ZNF385D: variants seen among roughly 807,000 people sequenced by gnomAD.
ZNF385D encodes the protein zinc finger protein 659.
In ZNF385D, 15 loss-of-function variants were observed where a neutral mutation model predicts 35.8. That is an observed-to-expected ratio of 0.42 (90% CI 0.28 to 0.64). The LOEUF (loss-of-function observed/expected upper bound fraction) is 0.64. Among genes scored for constraint, ZNF385D ranks in the 30% least tolerant of loss-of-function variants. The pLI is 0.23. For synonymous variants in ZNF385D, 212 were observed against 186.8 expected, an observed-to-expected ratio of 1.13 and a Z score of -1.10; for missense variants, 474 against 494.6, an observed-to-expected ratio of 0.96 and a Z score of 0.39.
intron 2 of ZNF385D, among the ~76,000 whole-genome samples, chr3:21,630,359 C>G (rs2065246559): frequency 6.6e-6 from 1 of 151,988 alleles, no homozygotes; most frequent in Non-Finnish European, 1.5e-5. Flanking sequence ...GCATGTGCCA[C>G]CACACCCAGC....
intron 1 of ZNF385D, among the ~76,000 whole-genome samples, chr3:21,740,949 A>G (rs894999845): frequency 9.2e-5 from 14 of 152,286 alleles, no homozygotes; most frequent in Admixed American, 3.9e-4. Context: ...TATCATTTCA[A>G]AGTTCCCCAG....
At chr3:22,099,692 C>G (rs988593998) in intron 3 of ZNF385D, among the ~76,000 whole-genome samples, 1 of 151,918 alleles carries the variant, frequency 6.6e-6, no homozygotes, top group Non-Finnish European at 1.5e-5. Context: ...GCAGCAGACC[C>G]TGAAGCATGG....
chr3:21,602,586 G>GCGGACTC (rs1230689406), intron 2 of ZNF385D, among the ~76,000 whole-genome samples: 2 of 133,080 alleles, frequency 1.5e-5, no homozygotes, highest in African/African-American at 6.0e-5. Context: ...ACTGCGGACT[G>GCGGACTC]CAGTGGCGCA....
intron 3 of ZNF385D, among the ~76,000 whole-genome samples, chr3:22,107,164 C>T (rs1295594229): frequency 6.6e-6 from 1 of 151,708 alleles, no homozygotes; most frequent in Non-Finnish European, 1.5e-5. Flanking sequence ...GCTGGGATTA[C>T]AGGCATGTGC....
chr3:22,121,723 A>T (rs1219792577), intron 3 of ZNF385D, among the ~76,000 whole-genome samples: 1 of 151,628 alleles, frequency 6.6e-6, no homozygotes, highest in Non-Finnish European at 1.5e-5. Context: ...GGGTAAACAC[A>T]ATCCCCTGTA....
intron 3 of ZNF385D, among the ~76,000 whole-genome samples, chr3:21,551,962 A>C (rs1023522629): frequency 6.6e-6 from 1 of 152,216 alleles, no homozygotes; most frequent in African/African-American, 2.4e-5. Context: ...TTTTCATGAT[A>C]CAAAGATGAA....
chr3:22,201,454 A>C (rs1696793214), intron 2 of ZNF385D, among the ~76,000 whole-genome samples: 1 of 152,168 alleles, frequency 6.6e-6, no homozygotes, highest in Admixed American at 6.6e-5. Flanking sequence ...GAAAGCTCTA[A>C]GTCTTTTATA....
chr3:21,857,534 G>A (rs960127674), intron 3 of ZNF385D, among the ~76,000 whole-genome samples: 3 of 151,912 alleles, frequency 2.0e-5, no homozygotes, highest in Admixed American at 6.6e-5. Flanking sequence ...TAGCAACCAC[G>A]GGGCCTCATA....
chr3:22,048,690 C>T (rs894540712), intron 3 of ZNF385D, among the ~76,000 whole-genome samples: 3 of 152,062 alleles, frequency 2.0e-5, no homozygotes, highest in Admixed American at 6.6e-5. Flanking sequence ...ATGCCTTTGG[C>T]TTTGTTCTTT....
chr3:22,171,808 T>G (rs809047), intron 2 of ZNF385D, among the ~76,000 whole-genome samples: 3 of 135,962 alleles, frequency 2.2e-5, no homozygotes, highest in African/African-American at 8.5e-5. Flanking sequence ...ACCCGGGAGG[T>G]AGAGCTTGCA....
chr3:21,658,995 A>C (rs888148317), intron 2 of ZNF385D, among the ~76,000 whole-genome samples: 4 of 151,942 alleles, frequency 2.6e-5, no homozygotes, highest in Admixed American at 6.6e-5. Context: ...CTAATCAACT[A>C]TGTCAACTTC....
intron 3 of ZNF385D, among the ~76,000 whole-genome samples, chr3:22,006,710 G>A (rs926227634): frequency 1.3e-5 from 2 of 151,930 alleles, no homozygotes; most frequent in African/African-American, 2.4e-5. Context: ...CATTTGCTGA[G>A]AAGCTTTTTT....
chr3:22,263,217 G>A (rs991416699), intron 2 of ZNF385D, among the ~76,000 whole-genome samples: 1 of 151,904 alleles, frequency 6.6e-6, no homozygotes, highest in South Asian at 2.1e-4. Context: ...CTGCAATGAC[G>A]TACTGTGCCT....
At chr3:21,875,223 C>G (rs980218739) in intron 3 of ZNF385D, among the ~76,000 whole-genome samples, 7 of 151,236 alleles carry the variant, frequency 4.6e-5, no homozygotes, top group African/African-American at 1.5e-4. Context: ...TTCTCCTTTC[C>G]AATATGAATG....
At chr3:21,564,771 C>G (rs2063082862) in intron 2 of ZNF385D, 87 bp from the exon 3 acceptor site, 2 of 683,818 alleles carry the variant, frequency 2.9e-6, no homozygotes, top group Non-Finnish European at 4.8e-6. Flanking sequence ...AAGAACCAAT[C>G]TGTACAGCTT....
At chr3:22,144,076 G>A (rs1485482691) in intron 3 of ZNF385D, among the ~76,000 whole-genome samples, 1 of 152,084 alleles carries the variant, frequency 6.6e-6, no homozygotes. Context: ...TTTGTATAAT[G>A]TTTTATAAAA....
chr3:22,315,540 G>A (rs1423974763), intron 2 of ZNF385D, among the ~76,000 whole-genome samples: 1 of 152,154 alleles, frequency 6.6e-6, no homozygotes, highest in African/African-American at 2.4e-5. Flanking sequence ...TGAGTGAGAG[G>A]AGTGGCATGG....
At chr3:21,816,066 A>C (rs1336471989) in intron 3 of ZNF385D, among the ~76,000 whole-genome samples, 1 of 152,188 alleles carries the variant, frequency 6.6e-6, no homozygotes, top group Non-Finnish European at 1.5e-5. Flanking sequence ...TATAAACAGA[A>C]CCAAAGACAA....
intron 2 of ZNF385D, among the ~76,000 whole-genome samples, chr3:22,215,459 C>T (rs1385260785): frequency 6.6e-6 from 1 of 151,894 alleles, no homozygotes; most frequent in Non-Finnish European, 1.5e-5. Flanking sequence ...CAGGGGGCGG[C>T]CGTCTTTTAT....
Sources: allele counts gnomAD v4.1 joint callset (sites outside exome capture counted in the v4.1 genomes callset), GRCh38; gene constraint gnomAD v4.1.1; transcripts MANE v1.5; gene names NCBI Gene and HGNC (gene_info 2026-07-23, HGNC 2026-07-21).